The following IRAK2 variants were observed in gnomAD, a reference collection of about 807,000 sequenced individuals.
IRAK2 encodes the protein interleukin 1 receptor associated kinase 2, also known as interleukin-1 receptor-associated kinase-like 2.
In IRAK2, 57 loss-of-function variants were observed where a neutral mutation model predicts 72.0. That is an observed-to-expected ratio of 0.79 (90% CI 0.64 to 0.99). IRAK2 has a LOEUF of 0.99. Among genes scored for constraint, IRAK2 ranks in the 50% least tolerant of loss-of-function variants. IRAK2 has a pLI of 0.00. For synonymous variants in IRAK2, 293 were observed against 312.7 expected, an observed-to-expected ratio of 0.94 and a Z score of 0.67; for missense variants, 790 against 794.4, an observed-to-expected ratio of 0.99 and a Z score of 0.07.
chr3:10,179,760 G>A (rs549160688), intron 2 of IRAK2, among the ~76,000 whole-genome samples: 1 of 152,054 alleles, frequency 6.6e-6, no homozygotes, highest in East Asian at 1.9e-4. Flanking sequence ...AGTAGAGACA[G>A]GGTTTCACTA....
chr3:10,191,243 C>T (rs1055864145), intron 2 of IRAK2, among the ~76,000 whole-genome samples: 5 of 150,948 alleles, frequency 3.3e-5, no homozygotes, highest in Non-Finnish European at 5.9e-5. Context: ...TGCAGTGAGC[C>T]GAGATCGCGC....
At chr3:10,177,005 G>C (rs1696887819) in intron 1 of IRAK2, among the ~76,000 whole-genome samples, 1 of 151,942 alleles carries the variant, frequency 6.6e-6, no homozygotes, top group Non-Finnish European at 1.5e-5. Flanking sequence ...GTTTCACCGT[G>C]TTAGCCAGGA....
intron 4 of IRAK2, among the ~76,000 whole-genome samples, chr3:10,210,748 T>C (rs1259889014): frequency 6.6e-6 from 1 of 152,152 alleles, no homozygotes; most frequent in Non-Finnish European, 1.5e-5. Flanking sequence ...CAACCTTCCA[T>C]GAAGGATAAA....
Position 10,185,300 on chromosome 3 carries a change from G to A in IRAK2, c.277+7280G>A, listed in dbSNP as rs183065559. Among the ~76,000 whole-genome samples the A allele has an allele frequency of 3.6e-3, 536 of 150,370 alleles. 14 individuals are homozygous for A. The highest frequency in any genetic ancestry group is 0.012 in the African/African-American group (486 of 40,464). On this transcript the variant is annotated intron_variant, in intron 2 of 12. Coordinates refer to ENST00000256458, the MANE Select transcript of IRAK2 (RefSeq NM_001570.4). ...CGGCCCGGCGCGGTGGCTCATGCAT[G>A]TAATCCCAGCACTTTGGGAGGCCCA...
chr3:10,184,868 T>C lies in IRAK2; in HGVS notation c.277+6848T>C, dbSNP rs1331988556. 2.0e-5 allele frequency among the ~76,000 whole-genome samples: 3 copies of C among 150,446 alleles called. 1 individual carries two copies. Among genetic ancestry groups the C allele is most frequent in the East Asian group, 3.9e-4 (2 of 5,144 alleles). ...CCTCAGCCTCCCGAGTAGCTGGGACTACAGGCGCCCGCCACCATGCCCGGC... is the reference window on the plus strand; with the variant it reads ...CCTCAGCCTCCCGAGTAGCTGGGACCACAGGCGCCCGCCACCATGCCCGGC... On this transcript the variant is annotated intron_variant, in intron 2 of 12. Transcript: ENST00000256458.
intron 2 of IRAK2, among the ~76,000 whole-genome samples, chr3:10,184,723 GTTTTTTTTTTTTTT>G (rs55839723): frequency 9.8e-6 from 1 of 102,024 alleles, no homozygotes. Context: ...GTTTTTGTGT[GTTTTTTTTTTTTTT>G]TTTTTTTTTT....
At chr3:10,182,070 C>A (rs778299582) in intron 2 of IRAK2, among the ~76,000 whole-genome samples, 1 of 150,474 alleles carries the variant, frequency 6.6e-6, no homozygotes, top group Non-Finnish European at 1.5e-5. Context: ...CAGGTTCAAG[C>A]GATTCTCTTC....
intron 2 of IRAK2, among the ~76,000 whole-genome samples, chr3:10,188,974 G>A (rs1162786943): frequency 1.3e-5 from 2 of 152,236 alleles, no homozygotes; most frequent in East Asian, 3.8e-4. Context: ...AAATACATTT[G>A]CTGAGTGCCT....
At position 10,226,431 on chromosome 3, in the gene IRAK2, C is replaced by G. The variant is rs1456168120; in HGVS notation, c.1270C>G (p.Leu424Val). 6.2e-7 allele frequency: 1 copy of G among 1,612,546 alleles called. No individual in the cohort carries two copies. The highest frequency in any genetic ancestry group is 1.3e-5 in the African/African-American group (1 of 74,888). Residue 424 changes from leucine (L) to valine (V), a missense_variant and splice_region_variant, in exon 10 of 13, where the codon CTG (leucine) becomes GTG (valine). Transcript: ENST00000256458. ...GGATAACAACCGAAGCCCGGTTTAC[C>G]TGGTAAGGGAACTTGTCACATCTGG... ...AMDNNRSPVY[L>V]KDLLLSDIPS...
chr3:10,200,302 A>T, intron 2 of IRAK2, 67 bp from the exon 3 acceptor site: 1 of 1,384,610 alleles, frequency 7.2e-7, no homozygotes, highest in Non-Finnish European at 9.8e-7. Flanking sequence ...TGACTTCCAG[A>T]ACCAGTCTCT....
Position 10,242,216 on chromosome 3 carries a change from C to T in IRAK2, c.1866C>T (p.Leu622=). ...YKEEKVDSIE[L]FGP is the part of the protein sequence containing the mutation. ...AGGAAAAAGTGGACAGCATTGAGCT[C>T]TTTGGCCCCTGATGACCGGAACACA... The change falls in exon 13 of 13, where the codon CTC becomes CTT. Residue 622 remains leucine, a synonymous_variant. Coordinates refer to ENST00000256458, the MANE Select transcript of IRAK2 (RefSeq NM_001570.4). 6.2e-7 allele frequency: 1 copy of T among 1,604,276 alleles called. No individual in the cohort carries two copies. The highest frequency in any genetic ancestry group is 8.5e-7 in the Non-Finnish European group (1 of 1,171,964).
At chr3:10,173,977 A>G (rs1479500114) in intron 1 of IRAK2, among the ~76,000 whole-genome samples, 5 of 152,112 alleles carry the variant, frequency 3.3e-5, no homozygotes, top group African/African-American at 4.8e-5. Context: ...ACGAGTAAGG[A>G]AAGTTCAGCC....
At position 10,234,428 on chromosome 3, in the gene IRAK2, C is replaced by T. The variant is rs11465926; in HGVS notation, c.1273-31C>T. 12,314 of 1,597,146 alleles carry T rather than the reference C, an allele frequency of 7.7e-3. 739 individuals carry two copies. In the African/African-American group the frequency reaches 0.14, roughly 18 times the overall value. On this transcript the variant is annotated intron_variant, in intron 10 of 12. Coordinates refer to ENST00000256458, the MANE Select transcript of IRAK2 (RefSeq NM_001570.4). ...TTGGCTCTCGCAGCTCTGCAGCTCACGCAAGGGCGTTTCTACCCTTCTTCC... is the reference window on the plus strand; with the variant it reads ...TTGGCTCTCGCAGCTCTGCAGCTCATGCAAGGGCGTTTCTACCCTTCTTCC...
chr3:10,222,412 G>A (rs138363787), intron 8 of IRAK2, among the ~76,000 whole-genome samples: 83 of 152,258 alleles, frequency 5.5e-4, no homozygotes, highest in Admixed American at 2.0e-3. Context: ...TCCTGGGGCA[G>A]CAAGACTAAG....
Position 10,219,802 on chromosome 3 carries a change from G to A in IRAK2, c.1013+13G>A. The A allele has an allele frequency of 6.3e-7, 1 of 1,587,102 alleles. No homozygotes were observed. Among genetic ancestry groups the A allele is most frequent in the Non-Finnish European group, 8.7e-7 (1 of 1,155,652 alleles). On this transcript the variant is annotated intron_variant, in intron 8 of 12. Coordinates refer to ENST00000256458, the MANE Select transcript of IRAK2 (RefSeq NM_001570.4). Reference sequence around the variant, plus strand: ...GCAACGTCAAGAGGTGAGAGAGGTGGGCTGGACCCTGCTGGGGCCTGGGCT... The same window carrying A: ...GCAACGTCAAGAGGTGAGAGAGGTGAGCTGGACCCTGCTGGGGCCTGGGCT...
chr3:10,210,742 C>G (rs73123805), intron 4 of IRAK2, among the ~76,000 whole-genome samples: 183 of 152,288 alleles, frequency 1.2e-3, no homozygotes, highest in African/African-American at 4.3e-3. Flanking sequence ...ATAGATCAAC[C>G]TTCCATGAAG....
chr3:10,210,667 G>A (rs1251748778), intron 4 of IRAK2, among the ~76,000 whole-genome samples: 2 of 151,910 alleles, frequency 1.3e-5, no homozygotes, highest in African/African-American at 4.8e-5. Flanking sequence ...TGGGAGGATC[G>A]CTTGAGCCCA....
rs541780369 is a variant in IRAK2, at chr3:10,189,658, T to C, written c.278-10711T>C. On this transcript the variant is annotated intron_variant, in intron 2 of 12. Transcript: ENST00000256458. ...CTCTTGACAGTTTCTAACTTTGGGT[T>C]TGGCATCTCGGCCAGAGTCATTTCC... Among the ~76,000 whole-genome samples, 6 of 152,356 alleles carry C rather than the reference T, an allele frequency of 3.9e-5. 1 individual carries two copies. The highest frequency in any genetic ancestry group is 1.4e-4 in the African/African-American group (6 of 41,580).
At position 10,242,323 on chromosome 3, in the gene IRAK2, A is replaced by C; in HGVS notation, c.*95A>C. Reference sequence around the variant, plus strand: ...GAGGCAGAATCCAAGATCTGCCAGGAAACACACAACAAAACATCTGCTGTC... The same window carrying C: ...GAGGCAGAATCCAAGATCTGCCAGGCAACACACAACAAAACATCTGCTGTC... On this transcript the variant is annotated 3_prime_UTR_variant, in exon 13 of 13. Transcript: ENST00000256458. 1.5e-6 allele frequency: 1 copy of C among 677,832 alleles called. No individual in the cohort carries two copies. The highest frequency in any genetic ancestry group is 2.5e-6 in the Non-Finnish European group (1 of 394,884). The allele number at this position is 677,832 out of a possible 1,614,324, so 42.0% of individuals were successfully genotyped here. A position where few individuals can be genotyped will look rare whatever the true frequency, so the allele number is the denominator to read the frequency against.
Sources: allele counts gnomAD v4.1 joint callset (sites outside exome capture counted in the v4.1 genomes callset), GRCh38; gene constraint gnomAD v4.1.1; transcripts MANE v1.5; gene names NCBI Gene and HGNC (gene_info 2026-07-23, HGNC 2026-07-21).